The following IGSF9B variants were observed in gnomAD, a reference collection of about 807,000 sequenced individuals.
IGSF9B encodes the protein protein turtle homolog B.
In IGSF9B, 48 loss-of-function variants were observed where a neutral mutation model predicts 143.7. The observed-to-expected ratio is 0.33, with a 90% CI of 0.26 to 0.42. The LOEUF (loss-of-function observed/expected upper bound fraction) is 0.42. Among genes scored for constraint, IGSF9B ranks in the 20% least tolerant of loss-of-function variants. The pLI, the probability that IGSF9B is intolerant of heterozygous loss-of-function variation, is 1.00. For synonymous variants in IGSF9B, 903 were observed against 833.1 expected, an observed-to-expected ratio of 1.08 and a Z score of -1.44; for missense variants, 1,706 against 1,980.0, an observed-to-expected ratio of 0.86 and a Z score of 2.63.
rs1940201401 is a variant in IGSF9B at position 133,953,571 on chromosome 11, G to C, written c.64+3120C>G. On this transcript the variant is annotated intron_variant, in intron 1 of 19. Coordinates refer to ENST00000533871, the MANE Select transcript of IGSF9B (RefSeq NM_001277285.4). The surrounding 1 kb of genome is among the most constrained non-coding windows in gnomAD (Gnocchi z 4.2). ...CAAAAGGAAGCATAGGTCAAGGCCA[G>C]GTAGAAAGTAGAGGGCAATGGCCCA... Among the ~76,000 whole-genome samples, 1 of 152,226 alleles carries C rather than the reference G, an allele frequency of 6.6e-6. No homozygotes were observed. The highest frequency in any genetic ancestry group is 2.4e-5 in the African/African-American group (1 of 41,460).
intron 15 of IGSF9B, 31 bp downstream of exon 15, chr11:133,924,789 T>C (rs1383275445): frequency 6.4e-7 from 1 of 1,572,626 alleles, no homozygotes; most frequent in South Asian, 1.1e-5. Flanking sequence ...TATGTCCCTA[T>C]AGTTGCAAGA....
At chr11:133,935,509 A>G (rs954920486) in intron 7 of IGSF9B, 108 bp downstream of exon 7, 2 of 1,255,162 alleles carry the variant, frequency 1.6e-6, no homozygotes, top group East Asian at 5.1e-5. Context: ...CTCCACCTAC[A>G]TGCCCCCAAA....
In IGSF9B at chr11:133,924,921, A is replaced by G. The variant is rs752554792; in HGVS notation, c.2035-17T>C. On this transcript the variant is annotated splice_polypyrimidine_tract_variant and intron_variant, in intron 14 of 19. Transcript: ENST00000533871. ...CCACGTGTCCTGCAGCCCCAGGGAC[A>G]ATACCCAGTCAGCCGAGGGACCTGA... 1.9e-6 allele frequency: 3 copies of G among 1,610,946 alleles called. No homozygotes were observed. The highest frequency in any genetic ancestry group is 1.3e-5 in the African/African-American group (1 of 74,974).
chr11:133,911,375 C>T (rs959166955), intron 19 of IGSF9B, among the ~76,000 whole-genome samples: 1 of 152,144 alleles, frequency 6.6e-6, no homozygotes, highest in African/African-American at 2.4e-5. Context: ...GCCCAGGCTG[C>T]AGTGTACCCT....
In IGSF9B at chr11:133,907,923, C is replaced by T. The variant is rs1347376039; in HGVS notation, c.*1146G>A. On this transcript the variant is annotated 3_prime_UTR_variant, in exon 20 of 20. Coordinates refer to ENST00000533871, the MANE Select transcript of IGSF9B (RefSeq NM_001277285.4). ...GCAGCACGTGGTGAGTGCGGGAAAG[C>T]CACAGGCGGCTCCGCACAAGTGGTA... Among the ~76,000 whole-genome samples, 1 of 152,220 alleles carries T rather than the reference C, an allele frequency of 6.6e-6. No homozygotes were observed. Among genetic ancestry groups the T allele is most frequent in the Non-Finnish European group, 1.5e-5 (1 of 68,054 alleles).
intron 1 of IGSF9B, among the ~76,000 whole-genome samples, chr11:133,951,179 G>A (rs1940151062): frequency 6.6e-6 from 1 of 152,174 alleles, no homozygotes; most frequent in African/African-American, 2.4e-5. Flanking sequence ...CGAGGCGGCG[G>A]GGGAGAGACC....
rs1939637991 is a variant in IGSF9B, at chr11:133,926,918, A to G, written c.1805T>C (p.Leu602Ser). 8 of 1,588,412 alleles carry G rather than the reference A, an allele frequency of 5.0e-6. No individual in the cohort carries two copies. Among genetic ancestry groups the G allele is most frequent in the Non-Finnish European group, 6.9e-6 (8 of 1,166,278 alleles). The part of the protein sequence containing the change: ...AFSEVVTVNT[L>S]AFPITTPEPL... ...AACATCCCACCCCGGGCCCTCACCT[A>G]AAGTGTTCACAGTGACCACCTCACT... Residue 602 changes from leucine (L) to serine (S), a missense_variant and splice_region_variant, in exon 13 of 20, where the codon TTA (leucine) becomes TCA (serine). Physicochemically the swap from Leu to Ser is moderately radical, Grantham distance 145. Transcript: ENST00000533871.
Position 133,948,056 on chromosome 11 carries a change from CGTGTGTGTGTGTGT to C in IGSF9B, c.65-1812_65-1799del, listed in dbSNP as rs71038546. Among the ~76,000 whole-genome samples, 173 of 147,286 alleles carry C rather than the reference CGTGTGTGTGTGTGT, an allele frequency of 1.2e-3. No homozygotes were observed. Among genetic ancestry groups the C allele is most frequent in the African/African-American group, 4.0e-3 (155 of 39,190 alleles). On this transcript the variant is annotated intron_variant, in intron 1 of 19. Coordinates refer to ENST00000533871, the MANE Select transcript of IGSF9B (RefSeq NM_001277285.4). This position sits in a 1 kb window ranked among gnomAD's most constrained non-coding sequence, Gnocchi z 4.7. The stretch of plus-strand genomic sequence containing the variant: ...CTGTTTCTGTCTACCAGCATGTGTG[CGTGTGTGTGTGTGT>C]GTGTGTGTGTGTGTGTGTGTCTGTG...
Position 133,919,916 on chromosome 11 carries a change from C to T in IGSF9B, c.3809G>A (p.Arg1270Gln), listed in dbSNP as rs563810272. Residue 1270 changes from arginine to glutamine, a missense_variant, in exon 18 of 20, where the codon CGG (arginine) becomes CAG (glutamine). By Grantham distance (43) the Arg-to-Gln change is conservative (BLOSUM62 1). Around this residue, in one of 7 missense-constraint regions of IGSF9B, gnomAD observed 880 missense variants for 762.9 expected, o/e 1.15. Transcript: ENST00000533871. The stretch of plus-strand genomic sequence containing the variant: ...CAGAGTGGTGAAGCCCATGGCGGGC[C>T]GGTAGCTGGGACTCCCACTGCGGCT... ...QSSRSGSPSY[R>Q]PAMGFTTLAT... The T allele has an allele frequency of 1.9e-6, 3 of 1,564,848 alleles. No individual in the cohort carries two copies. Among genetic ancestry groups the T allele is most frequent in the African/African-American group, 1.4e-5 (1 of 73,172 alleles).
rs907136233 is a variant in IGSF9B at position 133,928,692 on chromosome 11, A to G, written c.1631+979T>C. ...CTCTTACTCAAACAGGAGTGTAGGG[A>G]GGGGCAGCCCTTGGGGGTGGGAGGA... is the stretch of plus-strand genomic sequence containing the variant. On this transcript the variant is annotated intron_variant, in intron 12 of 19. Coordinates refer to ENST00000533871, the MANE Select transcript of IGSF9B (RefSeq NM_001277285.4). The surrounding 1 kb of genome is among the most constrained non-coding windows in gnomAD (Gnocchi z 4.7). 3.3e-5 allele frequency among the ~76,000 whole-genome samples: 5 copies of G among 152,074 alleles called. No individual in the cohort carries two copies. The highest frequency in any genetic ancestry group is 7.2e-5 in the African/African-American group (3 of 41,414).
In IGSF9B at chr11:133,944,363, C is replaced by T. The variant is rs1333086571; in HGVS notation, c.266G>A (p.Arg89Gln). ...AGATGCCTTATCATGAAGACTGGCC[C>T]GGCCTGGGGGAATAGAGCAGACAAA... ...PPHVDPEYAG[R>Q]ASLHDKASLR... The change falls in exon 3 of 20, where the codon CGG becomes CAG. Residue 89 changes from arginine (R) to glutamine (Q), a missense_variant. Physicochemically the swap from Arg to Gln is conservative, Grantham distance 43 (BLOSUM62 1). This residue lies in a region of IGSF9B where 171 missense variants were observed against 213.9 expected (regional missense o/e 0.80). Coordinates refer to ENST00000533871, the MANE Select transcript of IGSF9B (RefSeq NM_001277285.4). The T allele has an allele frequency of 1.2e-6, 2 of 1,613,216 alleles. No homozygotes were observed. The highest frequency in any genetic ancestry group is 1.3e-5 in the African/African-American group (1 of 74,928).
chr11:133,936,305 T>G, intron 5 of IGSF9B, 111 bp from the exon 6 acceptor site: 1 of 910,296 alleles, frequency 1.1e-6, no homozygotes, highest in South Asian at 1.6e-5. Context: ...AACACTGCGA[T>G]GGGGGCGGCT....
At position 133,909,053 on chromosome 11, in the gene IGSF9B, C is replaced by T; in HGVS notation, c.*16G>A. 6.5e-7 allele frequency: 1 copy of T among 1,533,380 alleles called. No homozygotes were observed. The highest frequency in any genetic ancestry group is 8.7e-7 in the Non-Finnish European group (1 of 1,144,718). 95.0% of individuals were successfully genotyped at this position (1,533,380 alleles called of 1,614,324 possible). The stretch of plus-strand genomic sequence containing the variant: ...CCCAGCAACCTCGCCCCGGGGACAC[C>T]TAGAGTGGGGTGGAGTCACAGCAAA... On this transcript the variant is annotated 3_prime_UTR_variant, in exon 20 of 20. Transcript: ENST00000533871. This position sits in a 1 kb window ranked among gnomAD's most constrained non-coding sequence, Gnocchi z 4.2.
rs1940208556 is a variant in IGSF9B, at chr11:133,953,983, T to G, written c.64+2708A>C. ...CCTCTGTCCCGCACCCGAGGGCTGA[T>G]GGAGTCGGGTCCCAACACAACATCA... On this transcript the variant is annotated intron_variant, in intron 1 of 19. Transcript: ENST00000533871. The surrounding 1 kb of genome is among the most constrained non-coding windows in gnomAD (Gnocchi z 4.2). 6.6e-6 allele frequency among the ~76,000 whole-genome samples: 1 copy of G among 152,162 alleles called. No homozygotes were observed. Among genetic ancestry groups the G allele is most frequent in the African/African-American group, 2.4e-5 (1 of 41,428 alleles).
In IGSF9B at chr11:133,943,838, G is replaced by C. The variant is rs548792293; in HGVS notation, c.409+382C>G. On this transcript the variant is annotated intron_variant, in intron 3 of 19. Transcript: ENST00000533871. ...AGAAAGACTAACTCTGGGACCCCAG[G>C]AACTCCACCAGAATTGGGGTAGCAG... Among the ~76,000 whole-genome samples the C allele has an allele frequency of 3.9e-5, 6 of 152,314 alleles. No individual in the cohort carries two copies. The East Asian group carries it at 1.2e-3, about 29-fold the overall frequency.
chr11:133,938,662 T>C (rs560388246), intron 3 of IGSF9B, among the ~76,000 whole-genome samples: 2 of 152,248 alleles, frequency 1.3e-5, no homozygotes, highest in East Asian at 3.9e-4. Flanking sequence ...ATCCGGTCAA[T>C]CTTAACCCCT....
chr11:133,909,387 C>T lies in IGSF9B; in HGVS notation c.4106-110G>A. ...TTGTTCCGGGTTTCTAATGTTGAAACAAAGGAATCACCTGAGTCTAGAGAG... is the reference window on the plus strand; with the variant it reads ...TTGTTCCGGGTTTCTAATGTTGAAATAAAGGAATCACCTGAGTCTAGAGAG... On this transcript the variant is annotated intron_variant, in intron 19 of 19. Coordinates refer to ENST00000533871, the MANE Select transcript of IGSF9B (RefSeq NM_001277285.4). The surrounding 1 kb of genome is among the most constrained non-coding windows in gnomAD (Gnocchi z 4.2). 1 of 885,694 alleles carries T rather than the reference C, an allele frequency of 1.1e-6. No homozygotes were observed. The highest frequency in any genetic ancestry group is 1.8e-6 in the Non-Finnish European group (1 of 569,862). The allele number at this position is 885,694 out of a possible 1,614,324, so 54.9% of individuals were successfully genotyped here. A position where few individuals can be genotyped will look rare whatever the true frequency, so the allele number is the denominator to read the frequency against.
intron 3 of IGSF9B, among the ~76,000 whole-genome samples, chr11:133,941,120 A>G (rs1279388257): frequency 6.6e-6 from 1 of 152,260 alleles, no homozygotes; most frequent in Non-Finnish European, 1.5e-5. Context: ...AGTACGTTGA[A>G]CAATTTCTAG....
rs577227281 is a variant in IGSF9B at position 133,931,972 on chromosome 11, A to T, written c.1110+99T>A. 34 of 1,506,778 alleles carry T rather than the reference A, an allele frequency of 2.3e-5. No individual in the cohort carries two copies. In the South Asian group the frequency reaches 3.7e-4, roughly 16 times the overall value. 93.3% of individuals were successfully genotyped at this position (1,506,778 alleles called of 1,614,324 possible). A position where few individuals can be genotyped will look rare whatever the true frequency, so the allele number is the denominator to read the frequency against. ...TCTCTGTTTGCCCAGGGCTTTTGGA[A>T]GGGGCCAGGAGTCCTGGCAGAAATC... On this transcript the variant is annotated intron_variant, in intron 8 of 19. Coordinates refer to ENST00000533871, the MANE Select transcript of IGSF9B (RefSeq NM_001277285.4). The surrounding 1 kb of genome is among the most constrained non-coding windows in gnomAD (Gnocchi z 7.7).
Sources: allele counts gnomAD v4.1 joint callset (sites outside exome capture counted in the v4.1 genomes callset), GRCh38; gene constraint gnomAD v4.1.1; regional missense constraint gnomAD v4.1.1; non-coding constraint Gnocchi (gnomAD v3.1); transcripts MANE v1.5; gene names NCBI Gene and HGNC (gene_info 2026-07-23, HGNC 2026-07-21).